The following GPC5 variants were observed in gnomAD, a reference collection of about 807,000 sequenced individuals.
The protein encoded by GPC5 is glypican 5.
In GPC5, 47 loss-of-function variants were observed where a neutral mutation model predicts 53.9. The observed-to-expected ratio is 0.87, with a 90% confidence interval of 0.69 to 1.11. The LOEUF (loss-of-function observed/expected upper bound fraction) is 1.11, where lower values mean the gene tolerates loss of function less well. GPC5 is among the 50% of genes most tolerant of loss of function. The probability of loss-of-function intolerance (pLI) is 0.00; values close to 1 mark genes in which losing one functional copy is unlikely to be tolerated. For missense variants in GPC5, 748 were observed against 713.1 expected (o/e 1.05, Z -0.56); for synonymous variants, 286 against 263.3 (o/e 1.09, Z -0.84).
chr13:91,684,239 A>G (rs1042026988), intron 2 of GPC5, among the ~76,000 whole-genome samples: 3 of 152,146 alleles, frequency 2.0e-5, no homozygotes, highest in African/African-American at 7.2e-5. Flanking sequence ...TTCATCCAGC[A>G]CCATAACTTT....
At chr13:92,236,040 C>G (rs552371066) in intron 7 of GPC5, among the ~76,000 whole-genome samples, 5 of 152,000 alleles carry the variant, frequency 3.3e-5, no homozygotes, top group Non-Finnish European at 7.4e-5. Context: ...TAAGAGAAGT[C>G]TGATCCTTGT....
Position 92,478,685 on chromosome 13 carries a change from G to C in GPC5, c.1561+333696G>C, listed in dbSNP as rs144356930. Among the ~76,000 whole-genome samples the C allele has an allele frequency of 7.8e-3, 1,186 of 152,154 alleles. 6 individuals carry two copies. Among genetic ancestry groups the C allele is most frequent in the Middle Eastern group, 0.024 (7 of 292 alleles). ...GTAAAAATCAGATTGAATTTGGGGG[G>C]AAAGCTTGAAAGAAATGCAGTTACA... On this transcript the variant is annotated intron_variant, in intron 7 of 7. Coordinates refer to ENST00000377067, the MANE Select transcript of GPC5 (RefSeq NM_004466.6).
intron 7 of GPC5, among the ~76,000 whole-genome samples, chr13:92,434,288 G>A (rs1159504645): frequency 6.6e-6 from 1 of 152,054 alleles, no homozygotes; most frequent in Non-Finnish European, 1.5e-5. Flanking sequence ...ACTAAGAAAT[G>A]ACTATTTTTC....
chr13:91,852,032 G>T lies in GPC5; in HGVS notation c.1281-55905G>T, dbSNP rs531639267. 5.3e-5 allele frequency among the ~76,000 whole-genome samples: 8 copies of T among 151,360 alleles called. 1 individual carries two copies. Among genetic ancestry groups the T allele is most frequent in the African/African-American group, 1.9e-4 (8 of 41,210 alleles). Reference sequence around the variant, plus strand: ...TATATACCCAGTAATGGGATGGCTGGGTCAAATGGTATTTCCAGTTCTAGA... The same window carrying T: ...TATATACCCAGTAATGGGATGGCTGTGTCAAATGGTATTTCCAGTTCTAGA... On this transcript the variant is annotated intron_variant, in intron 5 of 7. Transcript: ENST00000377067.
intron 2 of GPC5, among the ~76,000 whole-genome samples, chr13:91,602,889 C>T (rs773032666): frequency 6.6e-6 from 1 of 152,124 alleles, no homozygotes; most frequent in East Asian, 1.9e-4. Flanking sequence ...TAGGTCATAT[C>T]TCTAGCAAGG....
In GPC5 at chr13:91,953,771, A is replaced by C. The variant is rs74436202; in HGVS notation, c.1401+45714A>C. Reference sequence around the variant, plus strand: ...TGGGCCCTTCTTGCTGTGCCTTCTCATGGCCAAAGGGCCTAGCTAGTACAC... The same window carrying C: ...TGGGCCCTTCTTGCTGTGCCTTCTCCTGGCCAAAGGGCCTAGCTAGTACAC... On this transcript the variant is annotated intron_variant, in intron 6 of 7. Coordinates refer to ENST00000377067, the MANE Select transcript of GPC5 (RefSeq NM_004466.6). Among the ~76,000 whole-genome samples, 20 of 152,322 alleles carry C rather than the reference A, an allele frequency of 1.3e-4. No homozygotes were observed. The East Asian group carries it at 3.9e-3, about 29-fold the overall frequency.
chr13:91,777,024 C>A (rs2037721533), intron 5 of GPC5, among the ~76,000 whole-genome samples: 2 of 152,286 alleles, frequency 1.3e-5, no homozygotes, highest in African/African-American at 4.8e-5. Flanking sequence ...TCCTGCTAAC[C>A]TTTAACCCTA....
At chr13:92,025,265 G>A (rs1017495025) in intron 6 of GPC5, among the ~76,000 whole-genome samples, 1 of 152,124 alleles carries the variant, frequency 6.6e-6, no homozygotes, top group Non-Finnish European at 1.5e-5. Context: ...AGACTACACA[G>A]ATCTCAAGAA....
chr13:91,412,646 A>C (rs577679075), intron 1 of GPC5, among the ~76,000 whole-genome samples: 1 of 152,358 alleles, frequency 6.6e-6, no homozygotes, highest in African/African-American at 2.4e-5. Context: ...AACAGAGGAA[A>C]TATAATTTCT....
chr13:91,765,997 A>G (rs916963980), intron 5 of GPC5, among the ~76,000 whole-genome samples: 1 of 152,230 alleles, frequency 6.6e-6, no homozygotes, highest in Non-Finnish European at 1.5e-5. Flanking sequence ...TAATACATAA[A>G]TACAAAAATA....
chr13:92,167,455 T>C (rs986982776), intron 7 of GPC5, among the ~76,000 whole-genome samples: 5 of 152,076 alleles, frequency 3.3e-5, no homozygotes, highest in Non-Finnish European at 5.9e-5. Context: ...ATTGAAGCTG[T>C]AAAAAATAGA....
chr13:92,749,070 T>C (rs1014822991), intron 7 of GPC5, among the ~76,000 whole-genome samples: 3 of 152,192 alleles, frequency 2.0e-5, no homozygotes, highest in Admixed American at 2.0e-4. Flanking sequence ...ATTTTGGAGT[T>C]CTTGGCCAGA....
intron 7 of GPC5, among the ~76,000 whole-genome samples, chr13:92,432,899 T>A (rs926875935): frequency 3.9e-5 from 6 of 152,104 alleles, no homozygotes; most frequent in African/African-American, 1.4e-4. Flanking sequence ...AAAAGATAAA[T>A]ATTTGACAGT....
chr13:91,544,585 TTTC>T (rs2030165901), intron 2 of GPC5, among the ~76,000 whole-genome samples: 2 of 152,238 alleles, frequency 1.3e-5, no homozygotes, highest in Admixed American at 1.3e-4. Context: ...TGTATTCATA[TTTC>T]TTCATCTGAA....
At chr13:92,570,891 A>C (rs1370293076) in intron 7 of GPC5, among the ~76,000 whole-genome samples, 1 of 152,168 alleles carries the variant, frequency 6.6e-6, no homozygotes, top group African/African-American at 2.4e-5. Context: ...TCTTAATTTT[A>C]CCAATATGGA....
chr13:92,146,661 C>T (rs2041869404), intron 7 of GPC5, among the ~76,000 whole-genome samples: 1 of 152,064 alleles, frequency 6.6e-6, no homozygotes, highest in South Asian at 2.1e-4. Flanking sequence ...CTGTCACCCT[C>T]CTCCCACTGT....
chr13:92,646,929 CATGTGTGTGTGTGTGTGTGT>C (rs1416860654), intron 7 of GPC5, among the ~76,000 whole-genome samples: 6 of 135,154 alleles, frequency 4.4e-5, no homozygotes, highest in Non-Finnish European at 9.5e-5. Flanking sequence ...TATATATAAA[CATGTGTGTGTGTGTGTGTGT>C]GTGTGTGTGT....
intron 2 of GPC5, among the ~76,000 whole-genome samples, chr13:91,503,095 T>TA (rs145917243): frequency 0.012 from 1,867 of 152,212 alleles, 40 homozygotes; most frequent in African/African-American, 0.041. Flanking sequence ...AACATCAATA[T>TA]ATTTACTATG....
chr13:91,716,293 GA>G (rs1001950102), intron 3 of GPC5, among the ~76,000 whole-genome samples: 3 of 152,060 alleles, frequency 2.0e-5, no homozygotes, highest in African/African-American at 7.2e-5. Flanking sequence ...CTGCCTGGTA[GA>G]AAGTATACAC....
Sources: gnomAD v4.1 joint callset for allele counts (sites outside exome capture counted in the v4.1 genomes callset) on GRCh38, gnomAD v4.1.1 for gene constraint, MANE v1.5 for transcripts, NCBI Gene and HGNC (gene_info 2026-07-23, HGNC 2026-07-21) for gene names.